SGCD: variants seen among roughly 807,000 people sequenced by gnomAD.
SGCD encodes sarcoglycan delta, also known as delta-sarcoglycan.
In SGCD, 18 loss-of-function variants were observed where a neutral mutation model predicts 36.6. That is an observed-to-expected ratio of 0.49 (90% confidence interval 0.34 to 0.73). The LOEUF (loss-of-function observed/expected upper bound fraction) is 0.73. SGCD is among the 30% of genes least tolerant of loss of function. The pLI, the probability that SGCD is intolerant of heterozygous loss-of-function variation, is 0.01. For synonymous variants in SGCD, 133 were observed against 130.6 expected (o/e 1.02, Z -0.12); for missense variants, 387 against 346.7 (o/e 1.12, Z -0.92).
chr5:155,950,863 G>A (rs1757535030), intron 1 of SGCD, among the ~76,000 whole-genome samples: 1 of 152,130 alleles, frequency 6.6e-6, no homozygotes, highest in Non-Finnish European at 1.5e-5. Flanking sequence ...CTGAAGGCAG[G>A]AAACCCTCTC....
At chr5:156,527,166 A>G (rs1412944969) in intron 4 of SGCD, among the ~76,000 whole-genome samples, 1 of 152,104 alleles carries the variant, frequency 6.6e-6, no homozygotes, top group Non-Finnish European at 1.5e-5. Flanking sequence ...AGCCAGACTC[A>G]TACTATAAAC....
At chr5:156,743,113 T>A (rs1055058993) in intron 7 of SGCD, among the ~76,000 whole-genome samples, 1 of 150,176 alleles carries the variant, frequency 6.7e-6, no homozygotes, top group African/African-American at 2.4e-5. Flanking sequence ...TACATCTTTT[T>A]TTTTTTTTTT....
At chr5:155,921,459 A>G (rs1756876990) in intron 1 of SGCD, among the ~76,000 whole-genome samples, 1 of 152,036 alleles carries the variant, frequency 6.6e-6, no homozygotes, top group Non-Finnish European at 1.5e-5. Context: ...TTTATTTAAG[A>G]AGGGAAATAT....
At chr5:155,730,469 G>A in the SGCD span, among the ~76,000 whole-genome samples, 1 of 151,852 alleles carries the variant, frequency 6.6e-6, no homozygotes, top group African/African-American at 2.4e-5. Context: ...GTGTGTGTGT[G>A]TGTGTGGCGA....
the SGCD span, among the ~76,000 whole-genome samples, chr5:155,776,040 A>T: frequency 6.6e-6 from 1 of 152,184 alleles, no homozygotes; most frequent in Non-Finnish European, 1.5e-5. Flanking sequence ...TGCTGAAAAA[A>T]GTTTCTGGAT....
the SGCD span, among the ~76,000 whole-genome samples, chr5:155,844,926 G>A: frequency 6.6e-6 from 1 of 151,960 alleles, no homozygotes; most frequent in African/African-American, 2.4e-5. Flanking sequence ...TGTGCAGAAC[G>A]TGCAGTTTTG....
chr5:156,522,228 G>T (rs1373738128), intron 4 of SGCD, among the ~76,000 whole-genome samples: 1 of 152,032 alleles, frequency 6.6e-6, no homozygotes, highest in East Asian at 1.9e-4. Flanking sequence ...AGCATCAGGA[G>T]AAATACCTAA....
intron 3 of SGCD, among the ~76,000 whole-genome samples, chr5:156,241,292 G>C (rs867230033): frequency 1.3e-4 from 20 of 151,242 alleles, no homozygotes; most frequent in African/African-American, 4.9e-4. Flanking sequence ...GTGTGTGCAT[G>C]TATGTGCATA....
At chr5:156,724,910 TG>T (rs1216887999) in intron 7 of SGCD, among the ~76,000 whole-genome samples, 1 of 152,226 alleles carries the variant, frequency 6.6e-6, no homozygotes, top group Non-Finnish European at 1.5e-5. Context: ...AGAATGTGTT[TG>T]TTTTTTTGTA....
At chr5:156,299,533 A>G (rs997731499) in intron 3 of SGCD, among the ~76,000 whole-genome samples, 3 of 152,096 alleles carry the variant, frequency 2.0e-5, no homozygotes, top group African/African-American at 7.2e-5. Flanking sequence ...TAGTATGGAC[A>G]TTTTAACGAT....
chr5:156,459,045 G>C (rs1359127844), intron 3 of SGCD, among the ~76,000 whole-genome samples: 1 of 152,028 alleles, frequency 6.6e-6, no homozygotes, highest in Non-Finnish European at 1.5e-5. Context: ...AACCATCTAA[G>C]AGTGCAGGAT....
At chr5:156,141,497 G>T (rs369242815) in intron 3 of SGCD, among the ~76,000 whole-genome samples, 2 of 152,220 alleles carry the variant, frequency 1.3e-5, no homozygotes, top group Admixed American at 6.5e-5. Flanking sequence ...CTGGCAGAGG[G>T]CAGGACACAG....
In SGCD at chr5:156,128,507, A is replaced by T. The variant is rs1762234703; in HGVS notation, c.-44+4488A>T. 2.6e-5 allele frequency among the ~76,000 whole-genome samples: 4 copies of T among 152,340 alleles called. No individual in the cohort carries two copies. The South Asian group carries it at 8.3e-4, about 32-fold the overall frequency. On this transcript the variant is annotated intron_variant, in intron 3 of 9. Transcript: ENST00000517913. ...AAAAAAAATGGATAAACTCTTACAT[A>T]TTCATAAAGTAGATGATATGGTTTG...
intron 3 of SGCD, among the ~76,000 whole-genome samples, chr5:156,319,726 A>G (rs1309839856): frequency 1.3e-5 from 2 of 152,184 alleles, no homozygotes; most frequent in Non-Finnish European, 2.9e-5. Flanking sequence ...TCTATTACCT[A>G]TCTGTGTGAT....
In SGCD at chr5:156,490,956, C is replaced by G. The variant is rs1040220886; in HGVS notation, c.193-17645C>G. Among the ~76,000 whole-genome samples, 10 of 151,990 alleles carry G rather than the reference C, an allele frequency of 6.6e-5. No homozygotes were observed. The South Asian group carries it at 1.2e-3, about 19-fold the overall frequency. On this transcript the variant is annotated intron_variant, in intron 3 of 8. Coordinates refer to ENST00000337851, the MANE Select transcript of SGCD (RefSeq NM_000337.6). The stretch of plus-strand genomic sequence containing the variant: ...AGAATGATCTTATATGTAGAAAAAC[C>G]TAAATACTCCACCAGAAAACTCTTA...
At position 156,487,813 on chromosome 5, in the gene SGCD, A is replaced by AAAAAAAAAGAAAAAG. The variant is rs1554107842; in HGVS notation, c.193-20785_193-20784insAAAAAGAAAAAGAAA. 3.6e-4 allele frequency among the ~76,000 whole-genome samples: 28 copies of AAAAAAAAAGAAAAAG among 77,810 alleles called. 3 individuals are homozygous for AAAAAAAAAGAAAAAG. Among genetic ancestry groups the AAAAAAAAAGAAAAAG allele is most frequent in the South Asian group, 1.1e-3 (2 of 1,844 alleles). 51.0% of individuals were successfully genotyped at this position (77,810 alleles called of 152,430 possible). On this transcript the variant is annotated intron_variant, in intron 3 of 8. Coordinates refer to ENST00000337851, the MANE Select transcript of SGCD (RefSeq NM_000337.6). ...CAAAAAAAAAAAAAAAAAAAAAAAA[A>AAAAAAAAAGAAAAAG]AAAGAAAGAAAGAAAAAGCTTAACA...
rs138101478 is a variant in SGCD, at chr5:156,137,302, T to C, written c.-44+13283T>C. On this transcript the variant is annotated intron_variant, in intron 3 of 9. Transcript: ENST00000517913. ...TGCTGCAGCCCCACCCATGTGCCCA[T>C]GAAGCCACAGTCTTGTGGGAAAACA... Among the ~76,000 whole-genome samples, 342 of 152,334 alleles carry C rather than the reference T, an allele frequency of 2.2e-3. 10 individuals are homozygous for C. In the East Asian group the frequency reaches 0.052, roughly 23 times the overall value.
chr5:155,960,317 A>T (rs530659581), intron 1 of SGCD, among the ~76,000 whole-genome samples: 1 of 152,218 alleles, frequency 6.6e-6, no homozygotes, highest in African/African-American at 2.4e-5. Context: ...CTCAAAGGAC[A>T]TGACAGAACA....
intron 3 of SGCD, among the ~76,000 whole-genome samples, chr5:156,487,423 A>T (rs1755725674): frequency 2.0e-5 from 3 of 152,186 alleles, no homozygotes; most frequent in African/African-American, 7.2e-5. Context: ...TGCAGATAAC[A>T]ATGTAAGTTC....
Sources: gnomAD v4.1 joint callset for allele counts (sites outside exome capture counted in the v4.1 genomes callset) on GRCh38, gnomAD v4.1.1 for gene constraint, MANE v1.5 for transcripts, NCBI Gene and HGNC (gene_info 2026-07-23, HGNC 2026-07-21) for gene names.